Variants in MLPH observed in about 807,000 individuals in gnomAD.
MLPH encodes the protein exophilin-3.
In MLPH, 51 loss-of-function variants were observed where a neutral mutation model predicts 72.1. That is an observed-to-expected ratio of 0.71 (90% CI 0.56 to 0.89). The LOEUF is 0.89. Ranked by LOEUF, MLPH falls within the 40% of genes least tolerant of loss-of-function variation. The pLI is 0.00. For synonymous variants in MLPH, 301 were observed against 310.1 expected (o/e 0.97, Z 0.31); for missense variants, 743 against 759.9 (o/e 0.98, Z 0.26).
intron 2 of MLPH, among the ~76,000 whole-genome samples, chr2:237,506,379 C>G (rs2079771736): frequency 6.6e-6 from 1 of 152,186 alleles, no homozygotes; most frequent in Non-Finnish European, 1.5e-5. Context: ...GGACAAGCCA[C>G]AGACAAGAAC....
In MLPH at chr2:237,505,972, T is replaced by C. The variant is rs1380390032; in HGVS notation, c.111-4602T>C. Among the ~76,000 whole-genome samples, 2 of 152,154 alleles carry C rather than the reference T, an allele frequency of 1.3e-5. No homozygotes were observed. Among genetic ancestry groups the C allele is most frequent in the Admixed American group, 1.3e-4 (2 of 15,288 alleles). ...CCCGTCTCCAGGGCTCTGTCTCCCCTGGGAGCTCACTTTCTCGGCCTTTGC... is the reference window on the plus strand; with the variant it reads ...CCCGTCTCCAGGGCTCTGTCTCCCCCGGGAGCTCACTTTCTCGGCCTTTGC... On this transcript the variant is annotated intron_variant, in intron 2 of 15. Coordinates refer to ENST00000264605, the MANE Select transcript of MLPH (RefSeq NM_024101.7). This position sits in a 1 kb window ranked among gnomAD's most constrained non-coding sequence, Gnocchi z 4.5.
intron 11 of MLPH, among the ~76,000 whole-genome samples, 186 bp from the exon 12 acceptor site, chr2:237,542,381 C>T (rs2080710167): frequency 6.6e-6 from 1 of 152,162 alleles, no homozygotes; most frequent in Admixed American, 6.5e-5. Flanking sequence ...TCTCAACAAC[C>T]ACAGAAGATA....
chr2:237,518,261 G>A, intron 4 of MLPH: 1 of 538,998 alleles, frequency 1.9e-6, no homozygotes, highest in South Asian at 1.8e-5. Context: ...ATTGATGCAT[G>A]GATGGATGGG....
intron 4 of MLPH, among the ~76,000 whole-genome samples, chr2:237,515,632 T>C (rs1209860632): frequency 6.6e-6 from 1 of 152,002 alleles, no homozygotes; most frequent in Non-Finnish European, 1.5e-5. Context: ...GTATCAGAGG[T>C]CATAACTGCA....
rs1345531837 is a variant in MLPH at position 237,534,574 on chromosome 2, T to C, written c.1031T>C (p.Leu344Pro). 1 of 1,613,448 alleles carries C rather than the reference T, an allele frequency of 6.2e-7. No individual in the cohort carries two copies. Among genetic ancestry groups the C allele is most frequent in the African/African-American group, 1.3e-5 (1 of 74,884 alleles). Reference sequence around the variant, plus strand: ...CTCCTTCTGCTGCAGATCTTTGAGCTGAATAAGCATATTTCAGCTGTGGAA... The same window carrying C: ...CTCCTTCTGCTGCAGATCTTTGAGCCGAATAAGCATATTTCAGCTGTGGAA... ...RASSESQIFE[L>P]NKHISAVECL... Residue 344 changes from leucine to proline, a missense_variant, in exon 9 of 16, where the codon CTG becomes CCG. By Grantham distance (98) the Leu-to-Pro change is moderately conservative (BLOSUM62 -3). Coordinates refer to ENST00000264605, the MANE Select transcript of MLPH (RefSeq NM_024101.7).
In MLPH at chr2:237,525,511, C is replaced by A. The variant is rs538975317; in HGVS notation, c.676-90C>A. On this transcript the variant is annotated intron_variant, in intron 6 of 15. Transcript: ENST00000264605. ...CTGGGTCAGTCAAGTGCCTGGAAAGCCTCAGGGCTTGGATTGAAAGACCCA... is the reference window on the plus strand; with the variant it reads ...CTGGGTCAGTCAAGTGCCTGGAAAGACTCAGGGCTTGGATTGAAAGACCCA... 53 of 1,338,442 alleles carry A rather than the reference C, an allele frequency of 4.0e-5. No individual in the cohort carries two copies. The African/African-American group carries it at 7.1e-4, about 18-fold the overall frequency. 82.9% of individuals were successfully genotyped at this position (1,338,442 alleles called of 1,614,324 possible).
chr2:237,541,023 T>C lies in MLPH; in HGVS notation c.1446+66T>C. The stretch of plus-strand genomic sequence containing the variant: ...ACAGATGGTGACCACACCCAGGCCT[T>C]GAACATCTGCCAGCTCTAACATCCG... On this transcript the variant is annotated intron_variant, in intron 11 of 15. Transcript: ENST00000264605. The surrounding 1 kb of genome is among the most constrained non-coding windows in gnomAD (Gnocchi z 5.1). The C allele has an allele frequency of 6.5e-7, 1 of 1,541,144 alleles. No individual in the cohort carries two copies. The highest frequency in any genetic ancestry group is 1.2e-5 in the South Asian group (1 of 83,968).
rs543594066 is a variant in MLPH, at chr2:237,508,527, C to T, written c.111-2047C>T. 2.0e-5 allele frequency among the ~76,000 whole-genome samples: 3 copies of T among 152,216 alleles called. No homozygotes were observed. In the East Asian group the frequency reaches 5.8e-4, roughly 29 times the overall value. On this transcript the variant is annotated intron_variant, in intron 2 of 15. Coordinates refer to ENST00000264605, the MANE Select transcript of MLPH (RefSeq NM_024101.7). ...ATTGTTTTTACACCTTCAGTGCAGG[C>T]ATCAAAGAGCAAAGAAAAGGCAAAT...
chr2:237,545,598 T>A (rs752626347), intron 12 of MLPH: 1 of 1,287,276 alleles, frequency 7.8e-7, no homozygotes, highest in Non-Finnish European at 1.0e-6. Context: ...AAGATGGATG[T>A]GACTAGAACG....
In MLPH at chr2:237,542,629, G is replaced by T; in HGVS notation, c.1509G>T (p.Ser503=). Residue 503 remains serine, a synonymous_variant, in exon 12 of 16, where the codon TCG becomes TCT. Transcript: ENST00000264605. ...LRAAGLTVKP[S]GKPRRKSNLP... ...CCGCAGGGCTCACGGTGAAGCCCTCGGGAAAGCCCCGGAGGAAGTCAAACC... is the reference window on the plus strand; with the variant it reads ...CCGCAGGGCTCACGGTGAAGCCCTCTGGAAAGCCCCGGAGGAAGTCAAACC... 6.3e-7 allele frequency: 1 copy of T among 1,597,772 alleles called. No homozygotes were observed. The highest frequency in any genetic ancestry group is 2.3e-5 in the East Asian group (1 of 44,290).
chr2:237,533,643 C>T (rs920104482), intron 8 of MLPH, among the ~76,000 whole-genome samples: 4 of 152,220 alleles, frequency 2.6e-5, no homozygotes, highest in African/African-American at 7.2e-5. Flanking sequence ...CTGCCTGAGT[C>T]CCCAAGCCCA....
intron 4 of MLPH, among the ~76,000 whole-genome samples, chr2:237,515,856 G>A (rs2080006104): frequency 6.6e-6 from 1 of 152,174 alleles, no homozygotes; most frequent in Non-Finnish European, 1.5e-5. Context: ...CACAGGAAGG[G>A]GAACATTCCT....
intron 8 of MLPH, among the ~76,000 whole-genome samples, chr2:237,528,415 A>G (rs1186535721): frequency 6.6e-6 from 1 of 151,754 alleles, no homozygotes; most frequent in Non-Finnish European, 1.5e-5. Flanking sequence ...TAATGGCGCA[A>G]TCTCGGCTCA....
rs745515318 is a variant in MLPH at position 237,546,578 on chromosome 2, T to A, written c.1540-28T>A. 3.7e-6 allele frequency: 6 copies of A among 1,606,138 alleles called. No individual in the cohort carries two copies. The South Asian group carries it at 5.5e-5, about 15-fold the overall frequency. Reference sequence around the variant, plus strand: ...CTCCCTGTGGCTGGAGGTTCAACAATAACATAAGTCTCTTCTTTGCCCTCC... The same window carrying A: ...CTCCCTGTGGCTGGAGGTTCAACAAAAACATAAGTCTCTTCTTTGCCCTCC... On this transcript the variant is annotated intron_variant, in intron 12 of 15. Coordinates refer to ENST00000264605, the MANE Select transcript of MLPH (RefSeq NM_024101.7).
chr2:237,539,441 G>C (rs1377397192), intron 9 of MLPH, among the ~76,000 whole-genome samples: 2 of 152,220 alleles, frequency 1.3e-5, no homozygotes, highest in Non-Finnish European at 2.9e-5. Flanking sequence ...AAAAATGTGA[G>C]TTTTACAGTG....
Position 237,527,679 on chromosome 2 carries a change from G to T in MLPH, c.1020+163G>T, listed in dbSNP as rs1574876057. ...ATACGTCATCACAATATTTTTTGTGGAAGTGAATTCACATAACAGAAAATT... is the reference window on the plus strand; with the variant it reads ...ATACGTCATCACAATATTTTTTGTGTAAGTGAATTCACATAACAGAAAATT... On this transcript the variant is annotated intron_variant, in intron 8 of 15. Coordinates refer to ENST00000264605, the MANE Select transcript of MLPH (RefSeq NM_024101.7). The T allele has an allele frequency of 1.6e-5, 15 of 910,900 alleles. No homozygotes were observed. The South Asian group carries it at 2.4e-4, about 15-fold the overall frequency. The allele number at this position is 910,900 out of a possible 1,614,324, so 56.4% of individuals were successfully genotyped here.
chr2:237,528,574 C>T (rs1292574817), intron 8 of MLPH, among the ~76,000 whole-genome samples: 1 of 152,132 alleles, frequency 6.6e-6, no homozygotes, highest in African/African-American at 2.4e-5. Flanking sequence ...TAGCCTCAAA[C>T]TCCAGGCCTC....
At position 237,525,698 on chromosome 2, in the gene MLPH, C is replaced by T. The variant is rs149540719; in HGVS notation, c.773C>T (p.Pro258Leu). ...GGGGCCTCTGGGTGCCACTCCCATC[C>T]GGAAGAGCAGCCGACCAGCATCTCA... The part of the protein sequence containing the change: ...DTGASGCHSH[P>L]EEQPTSISPS... Residue 258 changes from proline to leucine, a missense_variant, in exon 7 of 16, where the codon CCG (proline) becomes CTG (leucine). Transcript: ENST00000264605. The T allele has an allele frequency of 1.7e-4, 277 of 1,614,188 alleles. No individual in the cohort carries two copies. The African/African-American group carries it at 2.3e-3, about 13-fold the overall frequency.
At chr2:237,509,251 C>T (rs1357230548) in intron 2 of MLPH, among the ~76,000 whole-genome samples, 1 of 152,228 alleles carries the variant, frequency 6.6e-6, no homozygotes, top group Admixed American at 6.5e-5. Context: ...TATCAGCCTC[C>T]AGCTGCTGCC....
Sources: allele counts gnomAD v4.1 joint callset (sites outside exome capture counted in the v4.1 genomes callset), GRCh38; gene constraint gnomAD v4.1.1; non-coding constraint Gnocchi (gnomAD v3.1); transcripts MANE v1.5; gene names NCBI Gene and HGNC (gene_info 2026-07-23, HGNC 2026-07-21).